PLXDC2: variants seen among roughly 807,000 people sequenced by gnomAD.
The protein encoded by PLXDC2 is plexin domain containing 2.
In PLXDC2, 40 loss-of-function variants were observed where a neutral mutation model predicts 68.9. The ratio of observed to expected loss-of-function variants is 0.58; its 90% CI spans 0.45 to 0.76. The LOEUF (loss-of-function observed/expected upper bound fraction) is 0.76. Ranked by LOEUF, PLXDC2 falls within the 30% of genes least tolerant of loss-of-function variation. The pLI, the probability that PLXDC2 is intolerant of heterozygous loss-of-function variation, is 0.00. For missense variants in PLXDC2, 644 were observed against 661.9 expected (o/e 0.97, Z 0.30); for synonymous variants, 243 against 234.2 (o/e 1.04, Z -0.34).
chr10:20,039,013 A>C (rs940983531), intron 2 of PLXDC2, among the ~76,000 whole-genome samples: 8 of 152,182 alleles, frequency 5.3e-5, no homozygotes, highest in African/African-American at 1.9e-4. Context: ...AGGAAAGGCC[A>C]CACTGAAATG....
chr10:20,197,944 A>G (rs1456693456), intron 9 of PLXDC2, among the ~76,000 whole-genome samples: 1 of 152,204 alleles, frequency 6.6e-6, no homozygotes, highest in Admixed American at 6.5e-5. Flanking sequence ...TATTGGAAAA[A>G]CTAGCCTGAT....
chr10:20,252,322 A>G (rs1362410361), intron 13 of PLXDC2, among the ~76,000 whole-genome samples: 1 of 152,222 alleles, frequency 6.6e-6, no homozygotes, highest in Non-Finnish European at 1.5e-5. Flanking sequence ...AAATAATGTC[A>G]ATATCTCATC....
intron 4 of PLXDC2, among the ~76,000 whole-genome samples, chr10:20,076,546 A>G (rs1478033605): frequency 6.6e-6 from 1 of 152,168 alleles, no homozygotes; most frequent in Non-Finnish European, 1.5e-5. Flanking sequence ...CTAATACTGC[A>G]TTTTTCCCCC....
chr10:20,033,385 A>T (rs1197824455), intron 2 of PLXDC2, among the ~76,000 whole-genome samples: 1 of 152,150 alleles, frequency 6.6e-6, no homozygotes, highest in Non-Finnish European at 1.5e-5. Context: ...GCTGAAACAC[A>T]GAAAGTAAGT....
At chr10:19,998,473 A>C (rs1834876728) in intron 1 of PLXDC2, among the ~76,000 whole-genome samples, 1 of 152,176 alleles carries the variant, frequency 6.6e-6, no homozygotes, top group African/African-American at 2.4e-5. Flanking sequence ...GATTTCCTCT[A>C]TGCACGACCA....
chr10:20,276,866 C>G (rs148930417), intron 13 of PLXDC2, among the ~76,000 whole-genome samples: 1 of 152,036 alleles, frequency 6.6e-6, no homozygotes, highest in African/African-American at 2.4e-5. Context: ...AGCCCTTCCC[C>G]GTACTCTGGG....
chr10:20,009,281 T>A (rs776245291), intron 2 of PLXDC2, among the ~76,000 whole-genome samples: 7 of 152,220 alleles, frequency 4.6e-5, no homozygotes, highest in Non-Finnish European at 1.0e-4. Flanking sequence ...AATGTGATAG[T>A]GTAGATTTTT....
chr10:20,233,127 C>A (rs923573438), intron 12 of PLXDC2, among the ~76,000 whole-genome samples: 2 of 151,830 alleles, frequency 1.3e-5, no homozygotes, highest in Admixed American at 6.6e-5. Context: ...GTAGTTGATG[C>A]GAGTTGTATA....
chr10:19,827,060 A>G (rs1347748351), intron 1 of PLXDC2, among the ~76,000 whole-genome samples: 2 of 152,212 alleles, frequency 1.3e-5, no homozygotes, highest in African/African-American at 2.4e-5. Flanking sequence ...GAGGGTAGGA[A>G]CATCCTTGCA....
chr10:19,855,825 C>A (rs544956761), intron 1 of PLXDC2, among the ~76,000 whole-genome samples: 79 of 152,276 alleles, frequency 5.2e-4, no homozygotes, highest in African/African-American at 1.8e-3. Context: ...GTGGCTCACG[C>A]CTGTAATCCC....
At position 20,246,520 on chromosome 10, in the gene PLXDC2, TTG is replaced by T. The variant is rs1288292609; in HGVS notation, c.1473+1017_1473+1018del. Among the ~76,000 whole-genome samples, 16 of 152,294 alleles carry T rather than the reference TTG, an allele frequency of 1.1e-4. No homozygotes were observed. In the East Asian group the frequency reaches 2.7e-3, roughly 26 times the overall value. ...AAACACTACCACACCCAGCTAATTT[TTG>T]TATTTTTAGTAGAGATGGGGCTTTG... is the stretch of plus-strand genomic sequence containing the variant. On this transcript the variant is annotated intron_variant, in intron 13 of 13. Transcript: ENST00000377252.
chr10:19,897,875 A>T (rs1022863645), intron 1 of PLXDC2, among the ~76,000 whole-genome samples: 3 of 152,134 alleles, frequency 2.0e-5, no homozygotes, highest in Non-Finnish European at 4.4e-5. Flanking sequence ...TAATATAATT[A>T]AAAAATTTTT....
chr10:19,844,381 G>C (rs1435139334), intron 1 of PLXDC2, among the ~76,000 whole-genome samples: 1 of 152,032 alleles, frequency 6.6e-6, no homozygotes, highest in Non-Finnish European at 1.5e-5. Flanking sequence ...CATTTTCCTG[G>C]ATGCTCACTG....
chr10:20,167,004 T>C (rs1308942630), intron 7 of PLXDC2, among the ~76,000 whole-genome samples: 1 of 152,176 alleles, frequency 6.6e-6, no homozygotes, highest in Non-Finnish European at 1.5e-5. Context: ...AACGTAGAAT[T>C]CAGAGAAAAA....
chr10:20,143,357 T>C lies in PLXDC2; in HGVS notation c.604T>C (p.Leu202=). ...AACAGCCACACAGTACATAGCACCTTTAATGGCAAATTTCGATCCCAGTGT... is the reference window on the plus strand; with the variant it reads ...AACAGCCACACAGTACATAGCACCTCTAATGGCAAATTTCGATCCCAGTGT... ...MLTATQYIAP[L]MANFDPSVSR... The change falls in exon 5 of 14, where the codon TTA becomes CTA. Residue 202 remains leucine, a synonymous_variant. Coordinates refer to ENST00000377252, the MANE Select transcript of PLXDC2 (RefSeq NM_032812.9). 6.2e-7 allele frequency: 1 copy of C among 1,613,368 alleles called. No homozygotes were observed. Among genetic ancestry groups the C allele is most frequent in the Non-Finnish European group, 8.5e-7 (1 of 1,179,426 alleles).
chr10:20,098,409 G>A (rs1404494678), intron 4 of PLXDC2, among the ~76,000 whole-genome samples: 1 of 147,694 alleles, frequency 6.8e-6, no homozygotes, highest in Non-Finnish European at 1.5e-5. Flanking sequence ...CCATCTCCCA[G>A]TACCTCCCTC....
intron 4 of PLXDC2, among the ~76,000 whole-genome samples, chr10:20,104,978 G>A (rs1011977951): frequency 4.7e-5 from 7 of 148,058 alleles, no homozygotes; most frequent in Non-Finnish European, 9.0e-5. Context: ...TTGAACCAGG[G>A]GGTCAGAGGT....
chr10:19,837,401 AGAGAGAGAGTGT>A (rs1475184881), intron 1 of PLXDC2, among the ~76,000 whole-genome samples: 6 of 47,364 alleles, frequency 1.3e-4, no homozygotes, highest in South Asian at 1.3e-3. Flanking sequence ...AGAGAGAGAG[AGAGAGAGAGTGT>A]GTGTGTGTGT....
At chr10:20,263,335 T>TA (rs1222345068) in intron 13 of PLXDC2, among the ~76,000 whole-genome samples, 1 of 152,146 alleles carries the variant, frequency 6.6e-6, no homozygotes, top group Non-Finnish European at 1.5e-5. Flanking sequence ...ACCCTTTCCT[T>TA]ACACCATACA....
Sources: allele counts gnomAD v4.1 joint callset (sites outside exome capture counted in the v4.1 genomes callset), GRCh38; gene constraint gnomAD v4.1.1; transcripts MANE v1.5; gene names NCBI Gene and HGNC (gene_info 2026-07-23, HGNC 2026-07-21).